Variants in SARNP observed in about 807,000 individuals in gnomAD.
SARNP encodes the protein SAP domain containing ribonucleoprotein, also known as SAP domain-containing ribonucleoprotein.
Under a neutral mutation model 38.1 loss-of-function variants are expected in SARNP, and 5 were observed. The observed-to-expected ratio is 0.13, with a 90% CI of 0.07 to 0.28. The LOEUF is 0.28. SARNP is among the 10% of genes least tolerant of loss of function. The probability of loss-of-function intolerance (pLI) is 1.00; values close to 1 mark genes in which losing one functional copy is unlikely to be tolerated. For missense variants in SARNP, 180 were observed against 243.9 expected, an observed-to-expected ratio of 0.74 and a Z score of 1.75; for synonymous variants, 84 against 80.6, an observed-to-expected ratio of 1.04 and a Z score of -0.23.
intron 5 of SARNP, 46 bp from the exon 6 acceptor site, chr12:55,794,926 T>G (rs1243921338): frequency 1.1e-6 from 1 of 938,448 alleles, no homozygotes; most frequent in South Asian, 1.4e-5. Flanking sequence ...CAATTTATGG[T>G]TTAAGAAAGT....
At chr12:55,804,834 A>T (rs538636418) in intron 1 of SARNP, among the ~76,000 whole-genome samples, 3 of 152,288 alleles carry the variant, frequency 2.0e-5, no homozygotes, top group South Asian at 4.1e-4. Context: ...TGGAGTACAG[A>T]TCTATGACCA....
At chr12:55,790,426 C>A (rs1879630913) in intron 8 of SARNP, 141 bp downstream of exon 8, 2 of 920,200 alleles carry the variant, frequency 2.2e-6, no homozygotes, top group Non-Finnish European at 3.1e-6. Flanking sequence ...TTTTTAAATT[C>A]AAGACATACA....
intron 9 of SARNP, among the ~76,000 whole-genome samples, chr12:55,787,413 G>C (rs1031439008): frequency 1.3e-5 from 2 of 152,028 alleles, no homozygotes; most frequent in African/African-American, 2.4e-5. Flanking sequence ...AGAGCTAAAC[G>C]CTTTCATGCT....
chr12:55,797,055 A>G (rs1007678150), intron 4 of SARNP, among the ~76,000 whole-genome samples: 1 of 152,134 alleles, frequency 6.6e-6, no homozygotes, highest in African/African-American at 2.4e-5. Flanking sequence ...TCCACCAAAC[A>G]ACTCCCATAA....
intron 1 of SARNP, among the ~76,000 whole-genome samples, chr12:55,807,043 C>T (rs543382525): frequency 1.9e-4 from 29 of 152,266 alleles, no homozygotes; most frequent in African/African-American, 7.0e-4. Flanking sequence ...TCCTCCCACC[C>T]GAACCTCCAG....
At chr12:55,761,326 G>A (rs1300503598) in intron 9 of SARNP, among the ~76,000 whole-genome samples, 2 of 152,166 alleles carry the variant, frequency 1.3e-5, no homozygotes, top group East Asian at 1.9e-4. Flanking sequence ...TAGTTAGAAG[G>A]TACCCAAACT....
At chr12:55,774,784 TCTC>T (rs1263621907) in intron 9 of SARNP, among the ~76,000 whole-genome samples, 1 of 151,242 alleles carries the variant, frequency 6.6e-6, no homozygotes, top group East Asian at 1.9e-4. Flanking sequence ...TCAAATATAA[TCTC>T]CTTCTCAGTT....
chr12:55,766,506 G>A (rs938402332), intron 9 of SARNP, among the ~76,000 whole-genome samples: 4 of 150,028 alleles, frequency 2.7e-5, no homozygotes, highest in Admixed American at 1.3e-4. Context: ...TGTCTTGTTC[G>A]CTTTCCTTAA....
chr12:55,794,302 T>G, intron 7 of SARNP, 57 bp downstream of exon 7: 1 of 1,442,996 alleles, frequency 6.9e-7, no homozygotes, highest in Non-Finnish European at 9.7e-7. Flanking sequence ...AAACCTGTTA[T>G]ACCAGAAAAG....
At chr12:55,770,602 C>CAAA (rs1878979485) in intron 9 of SARNP, among the ~76,000 whole-genome samples, 6 of 151,926 alleles carry the variant, frequency 3.9e-5, no homozygotes, top group Non-Finnish European at 7.4e-5. Context: ...ATACTGTAGC[C>CAAA]AGGAAGTAAG....
chr12:55,787,636 C>G lies in SARNP; in HGVS notation c.501+1439G>C, dbSNP rs1879541294. On this transcript the variant is annotated intron_variant, in intron 9 of 10. Coordinates refer to ENST00000336133, the MANE Select transcript of SARNP (RefSeq NM_033082.4). Reference sequence around the variant, plus strand: ...AGTTTTAGTAGAGACAGGGTTTCACCATGTTGGCTGGGCTGGTCTCAACTC... The same window carrying G: ...AGTTTTAGTAGAGACAGGGTTTCACGATGTTGGCTGGGCTGGTCTCAACTC... Among the ~76,000 whole-genome samples the G allele has an allele frequency of 1.3e-5, 2 of 152,134 alleles. 1 individual carries two copies. Among genetic ancestry groups the G allele is most frequent in the South Asian group, 4.1e-4 (2 of 4,830 alleles).
chr12:55,814,339 A>T (rs1880420178), intron 1 of SARNP, among the ~76,000 whole-genome samples: 1 of 152,212 alleles, frequency 6.6e-6, no homozygotes, highest in Non-Finnish European at 1.5e-5. Context: ...GCCCTTTTCA[A>T]TATCACTCTG....
At chr12:55,811,893 G>A (rs1467473639) in intron 1 of SARNP, among the ~76,000 whole-genome samples, 6 of 152,108 alleles carry the variant, frequency 3.9e-5, no homozygotes, top group Non-Finnish European at 8.8e-5. Context: ...TTCTCACCAC[G>A]GCAAATGCTA....
intron 1 of SARNP, among the ~76,000 whole-genome samples, chr12:55,804,918 C>T (rs1199469885): frequency 6.6e-6 from 1 of 152,200 alleles, no homozygotes; most frequent in East Asian, 1.9e-4. Context: ...TGCATCTCTA[C>T]GTTTTTCAGC....
intron 9 of SARNP, among the ~76,000 whole-genome samples, chr12:55,782,315 G>A (rs750404243): frequency 1.5e-4 from 23 of 152,182 alleles, no homozygotes; most frequent in Non-Finnish European, 2.9e-4. Flanking sequence ...CCACATTCCA[G>A]TTTTCTGCTT....
At chr12:55,774,713 CAA>C (rs1287663004) in intron 9 of SARNP, among the ~76,000 whole-genome samples, 3 of 151,352 alleles carry the variant, frequency 2.0e-5, no homozygotes, top group Non-Finnish European at 4.4e-5. Context: ...GCTTGGGTGA[CAA>C]GAGCAAAAGC....
At chr12:55,790,857 A>G (rs564851382) in intron 7 of SARNP, among the ~76,000 whole-genome samples, 1 of 152,376 alleles carries the variant, frequency 6.6e-6, no homozygotes, top group Non-Finnish European at 1.5e-5. Flanking sequence ...TATACAGCTA[A>G]GAGAAAATGA....
intron 9 of SARNP, among the ~76,000 whole-genome samples, chr12:55,765,590 T>C (rs1387566558): frequency 6.6e-6 from 1 of 151,882 alleles, no homozygotes; most frequent in Non-Finnish European, 1.5e-5. Flanking sequence ...AGCAATCCTT[T>C]CACCTCGCCT....
At chr12:55,794,717 A>G in intron 6 of SARNP, 90 bp downstream of exon 6, 1 of 815,522 alleles carries the variant, frequency 1.2e-6, no homozygotes, top group Non-Finnish European at 2.0e-6. Flanking sequence ...TATTCTACTT[A>G]AAATCAACAA....
Sources: gnomAD v4.1 joint callset for allele counts (sites outside exome capture counted in the v4.1 genomes callset) on GRCh38, gnomAD v4.1.1 for gene constraint, MANE v1.5 for transcripts, NCBI Gene and HGNC (gene_info 2026-07-23, HGNC 2026-07-21) for gene names.